ELF2: variants seen among roughly 807,000 people sequenced by gnomAD.
ELF2 encodes the protein E74 like ETS transcription factor 2, also known as ETS-related transcription factor Elf-2.
Under a neutral mutation model 54.8 loss-of-function variants are expected in ELF2, and 11 were observed. The ratio of observed to expected loss-of-function variants is 0.20; its 90% CI spans 0.13 to 0.33. The LOEUF (loss-of-function observed/expected upper bound fraction) is 0.33. Among genes scored for constraint, ELF2 ranks in the 10% least tolerant of loss-of-function variants. The pLI is 1.00. For missense variants in ELF2, 513 were observed against 703.0 expected, an observed-to-expected ratio of 0.73 and a Z score of 3.06; for synonymous variants, 203 against 245.1, an observed-to-expected ratio of 0.83 and a Z score of 1.61.
intron 4 of ELF2, among the ~76,000 whole-genome samples, chr4:139,102,830 G>A (rs1734039471): frequency 2.0e-5 from 3 of 152,122 alleles, no homozygotes; most frequent in Admixed American, 2.0e-4. Context: ...GACAGAGCAA[G>A]ACTCCATCTC....
At chr4:139,167,394 G>T (rs1405374927) in intron 1 of ELF2, among the ~76,000 whole-genome samples, 1 of 152,140 alleles carries the variant, frequency 6.6e-6, no homozygotes, top group Non-Finnish European at 1.5e-5. Context: ...GTCTTGAAGG[G>T]TTTATAAATC....
intron 1 of ELF2, among the ~76,000 whole-genome samples, chr4:139,169,875 A>AAG (rs1560893670): frequency 6.6e-6 from 1 of 151,490 alleles, no homozygotes; most frequent in African/African-American, 2.4e-5. Flanking sequence ...AAAAAAAAAA[A>AAG]AGCTATGTCT....
At chr4:139,091,256 T>G (rs1289428288) in intron 4 of ELF2, among the ~76,000 whole-genome samples, 1 of 152,046 alleles carries the variant, frequency 6.6e-6, no homozygotes, top group Non-Finnish European at 1.5e-5. Flanking sequence ...TAAAGAACCC[T>G]TGGAATAAAA....
intron 4 of ELF2, among the ~76,000 whole-genome samples, chr4:139,124,675 C>T (rs1313443563): frequency 6.6e-6 from 1 of 152,092 alleles, no homozygotes; most frequent in Non-Finnish European, 1.5e-5. Context: ...ATACTAAGAT[C>T]TCTAAGACGA....
Position 139,164,489 on chromosome 4 carries a change from T to C in ELF2, c.-252+12478A>G, listed in dbSNP as rs548851447. On this transcript the variant is annotated intron_variant, in intron 1 of 9. Transcript: ENST00000686138. ...CATCTCTACTAAAAAATACAAAAAT[T>C]AGGTGGGCGTGGTGGCATGCACCTG... Among the ~76,000 whole-genome samples the C allele has an allele frequency of 4.6e-5, 7 of 152,066 alleles. No homozygotes were observed. In the South Asian group the frequency reaches 1.5e-3, roughly 32 times the overall value.
intron 1 of ELF2, among the ~76,000 whole-genome samples, chr4:139,167,905 T>C (rs1247907915): frequency 1.3e-5 from 2 of 152,226 alleles, no homozygotes; most frequent in Admixed American, 1.3e-4. Flanking sequence ...CTCTTACCCC[T>C]CTTAAGGCGT....
At chr4:139,084,405 A>T (rs903177867) in intron 4 of ELF2, 10 of 1,372,230 alleles carry the variant, frequency 7.3e-6, no homozygotes. Context: ...AAACCCCACC[A>T]CCTAACGGCA....
chr4:139,081,395 A>ATT (rs1222249272), intron 4 of ELF2, among the ~76,000 whole-genome samples: 1 of 152,202 alleles, frequency 6.6e-6, no homozygotes, highest in Non-Finnish European at 1.5e-5. Flanking sequence ...CAGTGATAAT[A>ATT]TTAAGTGTTA....
At chr4:139,076,127 T>C (rs893552303) in intron 4 of ELF2, among the ~76,000 whole-genome samples, 2 of 152,216 alleles carry the variant, frequency 1.3e-5, no homozygotes, top group Non-Finnish European at 2.9e-5. Flanking sequence ...GGAAAGCATT[T>C]ATTTTAAAAA....
In ELF2 at chr4:139,058,888, T is replaced by A. The variant is rs1727389576; in HGVS notation, c.*95A>T. 2 of 1,489,392 alleles carry A rather than the reference T, an allele frequency of 1.3e-6. No individual in the cohort carries two copies. Among genetic ancestry groups the A allele is most frequent in the Non-Finnish European group, 1.8e-6 (2 of 1,116,108 alleles). The allele number at this position is 1,489,392 out of a possible 1,614,324, so 92.3% of individuals were successfully genotyped here. On this transcript the variant is annotated 3_prime_UTR_variant, in exon 10 of 10. Coordinates refer to ENST00000686138, the MANE Select transcript of ELF2 (RefSeq NM_001331036.3). ...TTTTGTATATGCATTAAAAATGTTT[T>A]AAAGTCTTCTTTGACTTTTCTTGAT...
intron 4 of ELF2, among the ~76,000 whole-genome samples, chr4:139,076,885 A>G (rs769297252): frequency 3.3e-5 from 5 of 152,196 alleles, no homozygotes; most frequent in Admixed American, 1.3e-4. Flanking sequence ...AACATATTAT[A>G]TCTCAGAAAT....
chr4:139,077,725 G>C (rs192648637), intron 4 of ELF2, among the ~76,000 whole-genome samples: 2 of 152,194 alleles, frequency 1.3e-5, no homozygotes, highest in East Asian at 3.9e-4. Context: ...GCACATTTAA[G>C]AATAAGCATG....
At chr4:139,175,294 T>C (rs944648447) in intron 1 of ELF2, among the ~76,000 whole-genome samples, 3 of 152,220 alleles carry the variant, frequency 2.0e-5, no homozygotes, top group African/African-American at 7.2e-5. Flanking sequence ...ATTTTGTAAA[T>C]GAGTATTTAT....
At position 139,125,225 on chromosome 4, in the gene ELF2, C is replaced by G. The variant is rs1001113739; in HGVS notation, c.177G>C (p.Glu59Asp). The change falls in exon 4 of 10, where the codon GAG becomes GAC. Residue 59 changes from glutamate to aspartate, a missense_variant. Glu to Asp is a conservative substitution (Grantham distance 45). Around this residue, in one of 3 missense-constraint regions of ELF2, gnomAD observed 203 missense variants for 245.9 expected, o/e 0.83. Coordinates refer to ENST00000686138, the MANE Select transcript of ELF2 (RefSeq NM_001331036.3). ...CTGCCACATCTTGCATCATATAAGT[C>G]TCATCATCATAAACCAGAACCTGGG... ...YAAQVLVYDD[E>D]TYMMQDVAEE... 1.9e-6 allele frequency: 3 copies of G among 1,613,902 alleles called. No individual in the cohort carries two copies. The South Asian group carries it at 3.3e-5, about 18-fold the overall frequency.
At chr4:139,101,005 A>C (rs1258794373) in intron 4 of ELF2, among the ~76,000 whole-genome samples, 1 of 152,224 alleles carries the variant, frequency 6.6e-6, no homozygotes, top group African/African-American at 2.4e-5. Flanking sequence ...TGGAGGCAAA[A>C]TTAACATGAT....
chr4:139,177,304 C>G (rs1018017846), upstream of ELF2: 7 of 150,808 alleles, frequency 4.6e-5, no homozygotes, highest in Non-Finnish European at 8.9e-5. Flanking sequence ...CCGCCTCCAC[C>G]AGGACACTGG....
chr4:139,086,189 G>A (rs1468897276), intron 4 of ELF2, among the ~76,000 whole-genome samples: 6 of 146,826 alleles, frequency 4.1e-5, no homozygotes, highest in African/African-American at 1.5e-4. Context: ...AAAGTTTTGA[G>A]AAGTGAATGA....
chr4:139,168,685 T>A (rs1332246376), intron 1 of ELF2, among the ~76,000 whole-genome samples: 1 of 152,148 alleles, frequency 6.6e-6, no homozygotes, highest in Non-Finnish European at 1.5e-5. Flanking sequence ...AATTAAAACC[T>A]AACTACAAGA....
intron 4 of ELF2, among the ~76,000 whole-genome samples, chr4:139,098,988 A>G (rs951125117): frequency 2.0e-5 from 3 of 152,132 alleles, no homozygotes; most frequent in African/African-American, 7.2e-5. Flanking sequence ...CTTTTGTTAA[A>G]TTGGTCAAGT....
Sources: allele counts gnomAD v4.1 joint callset (sites outside exome capture counted in the v4.1 genomes callset), GRCh38; gene constraint gnomAD v4.1.1; regional missense constraint gnomAD v4.1.1; transcripts MANE v1.5; gene names NCBI Gene and HGNC (gene_info 2026-07-23, HGNC 2026-07-21).